Variants in PSD3 observed in about 807,000 individuals in gnomAD.
PSD3 encodes PH and SEC7 domain-containing protein 3.
PSD3 carries 49 observed loss-of-function variants against 105.5 expected under a neutral mutation model. The ratio of observed to expected loss-of-function variants is 0.46; its 90% CI spans 0.37 to 0.59. The LOEUF (loss-of-function observed/expected upper bound fraction) is 0.59, where lower values mean the gene tolerates loss of function less well. Ranked by LOEUF, PSD3 falls within the 20% of genes least tolerant of loss-of-function variation. The pLI is 0.00. For missense variants in PSD3, 1,561 were observed against 1,263.8 expected (o/e 1.24, Z -3.57); for synonymous variants, 557 against 457.8 (o/e 1.22, Z -2.77).
chr8:18,661,125 GT>G (rs1257219585), intron 9 of PSD3, among the ~76,000 whole-genome samples: 2 of 152,054 alleles, frequency 1.3e-5, no homozygotes, highest in Non-Finnish European at 2.9e-5. Context: ...ATTTTGCACA[GT>G]TGATGGAATT....
At chr8:18,819,830 G>A (rs1319062995) in intron 4 of PSD3, among the ~76,000 whole-genome samples, 1 of 152,122 alleles carries the variant, frequency 6.6e-6, no homozygotes. Flanking sequence ...GCCAGCCTCG[G>A]CCTCCCAAAG....
At chr8:18,797,930 G>A (rs1278777817) in intron 8 of PSD3, among the ~76,000 whole-genome samples, 5 of 151,956 alleles carry the variant, frequency 3.3e-5, no homozygotes, top group Admixed American at 6.6e-5. Flanking sequence ...GTGGCCAAAC[G>A]CACTCAAAAT....
intron 1 of PSD3, among the ~76,000 whole-genome samples, chr8:19,065,482 G>A (rs945805200): frequency 3.3e-5 from 5 of 152,118 alleles, no homozygotes; most frequent in Admixed American, 2.6e-4. Context: ...TTTATGTCTG[G>A]GCCTCCAGAA....
intron 1 of PSD3, among the ~76,000 whole-genome samples, chr8:19,047,397 A>G (rs1828358254): frequency 6.6e-6 from 1 of 152,202 alleles, no homozygotes; most frequent in African/African-American, 2.4e-5. Flanking sequence ...ATTATAAAAT[A>G]TCCTCTAGTC....
At chr8:18,672,120 T>C (rs1799819647) in intron 9 of PSD3, among the ~76,000 whole-genome samples, 1 of 152,174 alleles carries the variant, frequency 6.6e-6, no homozygotes, top group Non-Finnish European at 1.5e-5. Flanking sequence ...AAGCCTTAAG[T>C]GTTGGAAAGT....
chr8:18,740,807 T>C (rs944867881), intron 9 of PSD3, among the ~76,000 whole-genome samples: 3 of 152,140 alleles, frequency 2.0e-5, no homozygotes, highest in African/African-American at 7.2e-5. Flanking sequence ...CTAGTCCTCC[T>C]AATGTCCCTT....
rs920918449 is a variant in PSD3, at chr8:18,535,686, G to T, written c.*57C>A. The T allele has an allele frequency of 7.9e-5, 108 of 1,370,936 alleles. No homozygotes were observed. The highest frequency in any genetic ancestry group is 1.3e-4 in the African/African-American group (9 of 69,478). 84.9% of individuals were successfully genotyped at this position (1,370,936 alleles called of 1,614,324 possible). On this transcript the variant is annotated 3_prime_UTR_variant, in exon 16 of 16. Coordinates refer to ENST00000327040, the MANE Select transcript of PSD3 (RefSeq NM_015310.4). ...AAATATATTCACGGATTACCAGAAAGATCTTGAAAAACCCTATTTTGCTCC... is the reference window on the plus strand; with the variant it reads ...AAATATATTCACGGATTACCAGAAATATCTTGAAAAACCCTATTTTGCTCC...
chr8:18,692,909 T>C (rs1801049200), intron 9 of PSD3, among the ~76,000 whole-genome samples: 3 of 152,180 alleles, frequency 2.0e-5, no homozygotes. Flanking sequence ...CAAACTTTAA[T>C]ACCAAAGCTA....
At chr8:18,816,385 G>C (rs1354826645) in intron 4 of PSD3, among the ~76,000 whole-genome samples, 1 of 152,160 alleles carries the variant, frequency 6.6e-6, no homozygotes, top group Non-Finnish European at 1.5e-5. Flanking sequence ...GCTGGGATTG[G>C]GGCTCAGCAA....
intron 4 of PSD3, among the ~76,000 whole-genome samples, chr8:18,855,232 T>C (rs1815912929): frequency 6.6e-6 from 1 of 152,206 alleles, no homozygotes; most frequent in East Asian, 1.9e-4. Flanking sequence ...TCGAAGAACA[T>C]GTAATATGCC....
chr8:19,006,294 C>CAAAAAAAA (rs58023537), intron 1 of PSD3, among the ~76,000 whole-genome samples: 1 of 80,826 alleles, frequency 1.2e-5, no homozygotes, highest in Non-Finnish European at 2.8e-5. Flanking sequence ...AACTCCATCT[C>CAAAAAAAA]AAAAAAAAAA....
chr8:19,068,063 G>A (rs376115768), intron 1 of PSD3, among the ~76,000 whole-genome samples: 1 of 152,086 alleles, frequency 6.6e-6, no homozygotes, highest in African/African-American at 2.4e-5. Flanking sequence ...CACAGCTCAG[G>A]TCTGTGTGCT....
intron 4 of PSD3, among the ~76,000 whole-genome samples, chr8:18,833,059 A>T (rs1220866929): frequency 4.6e-5 from 7 of 152,254 alleles, no homozygotes; most frequent in Non-Finnish European, 1.0e-4. Flanking sequence ...AACTATGTTA[A>T]AGATGAATGT....
At chr8:18,916,378 A>ACACACACACACACACAC (rs71218909) in intron 2 of PSD3, among the ~76,000 whole-genome samples, 1 of 84,072 alleles carries the variant, frequency 1.2e-5, no homozygotes, top group Non-Finnish European at 2.4e-5. Context: ...ACACACACAC[A>ACACACACACACACACAC]AACAGAATAC....
intron 12 of PSD3, among the ~76,000 whole-genome samples, chr8:18,586,011 G>A (rs948319642): frequency 1.3e-5 from 2 of 152,090 alleles, no homozygotes; most frequent in Non-Finnish European, 2.9e-5. Context: ...ATCTGAGGAA[G>A]CTGGGGAGAG....
chr8:18,682,616 G>A (rs986458969), intron 9 of PSD3, among the ~76,000 whole-genome samples: 3 of 152,132 alleles, frequency 2.0e-5, no homozygotes, highest in Non-Finnish European at 2.9e-5. Context: ...TGCTAATGAC[G>A]GAGGGGGTCA....
At chr8:18,632,476 A>G (rs773852675) in intron 11 of PSD3, 137 bp downstream of exon 11, 40 of 907,398 alleles carry the variant, frequency 4.4e-5, no homozygotes, top group Non-Finnish European at 5.9e-5. Flanking sequence ...TTAGGGTTAG[A>G]GGCTTTATCC....
rs546469872 is a variant in PSD3, at chr8:18,533,727, C to T, written c.*2016G>A. On this transcript the variant is annotated 3_prime_UTR_variant, in exon 16 of 16. Coordinates refer to ENST00000327040, the MANE Select transcript of PSD3 (RefSeq NM_015310.4). ...TTAGTATAAACATTTAGGCAGAAAA[C>T]AAATATCCTGATAATTTAGATTATC... 1 of 152,064 alleles carries T rather than the reference C, an allele frequency of 6.6e-6. No homozygotes were observed. The highest frequency in any genetic ancestry group is 6.5e-5 in the Admixed American group (1 of 15,270). 9.4% of individuals were successfully genotyped at this position (152,064 alleles called of 1,614,324 possible). A position where few individuals can be genotyped will look rare whatever the true frequency, so the allele number is the denominator to read the frequency against.
chr8:18,811,174 G>C (rs552005822), intron 4 of PSD3, among the ~76,000 whole-genome samples: 2 of 152,222 alleles, frequency 1.3e-5, no homozygotes, highest in Admixed American at 1.3e-4. Context: ...TTCTTCCTAG[G>C]GATTGAATTG....
Sources: gnomAD v4.1 joint callset for allele counts (sites outside exome capture counted in the v4.1 genomes callset) on GRCh38, gnomAD v4.1.1 for gene constraint, MANE v1.5 for transcripts, NCBI Gene and HGNC (gene_info 2026-07-23, HGNC 2026-07-21) for gene names.